The following MDGA2 variants were observed in gnomAD, a reference collection of about 807,000 sequenced individuals.
MDGA2 encodes the protein MAM domain containing glycosylphosphatidylinositol anchor 2.
Under a neutral mutation model 117.8 loss-of-function variants are expected in MDGA2, and 40 were observed. The observed-to-expected ratio is 0.34, with a 90% CI of 0.26 to 0.44. The LOEUF (loss-of-function observed/expected upper bound fraction) is 0.44, where lower values mean the gene tolerates loss of function less well. Ranked by LOEUF, MDGA2 falls within the 20% of genes least tolerant of loss-of-function variation. MDGA2 has a pLI of 1.00. For synonymous variants in MDGA2, 452 were observed against 439.0 expected, an observed-to-expected ratio of 1.03 and a Z score of -0.37; for missense variants, 1,123 against 1,250.6, an observed-to-expected ratio of 0.90 and a Z score of 1.54.
rs548167067 is a variant in MDGA2 at position 46,999,757 on chromosome 14, T to C, written c.1819+35254A>G. On this transcript the variant is annotated intron_variant, in intron 8 of 16. Coordinates refer to ENST00000399232, the MANE Select transcript of MDGA2 (RefSeq NM_001113498.3). The stretch of plus-strand genomic sequence containing the variant: ...CCCCCTTTTCTCTGGATTATCTTTG[T>C]GGGTATCAAACTTCATTCTGAAATT... 4.9e-4 allele frequency among the ~76,000 whole-genome samples: 75 copies of C among 152,214 alleles called. No homozygotes were observed. In the South Asian group the frequency reaches 5.4e-3, roughly 11 times the overall value.
At chr14:46,944,726 C>A (rs1344990686) in intron 9 of MDGA2, among the ~76,000 whole-genome samples, 3 of 151,674 alleles carry the variant, frequency 2.0e-5, no homozygotes, top group African/African-American at 7.3e-5. Context: ...ACTATTAAGC[C>A]CACCCATAGA....
intron 1 of MDGA2, among the ~76,000 whole-genome samples, chr14:47,561,158 G>GTTTGT (rs1895799966): frequency 1.8e-5 from 1 of 55,076 alleles, no homozygotes; most frequent in South Asian, 1.0e-3. Flanking sequence ...TTTTTGTTTT[G>GTTTGT]TTTTGTTTTT....
At chr14:47,602,798 A>T (rs1896671959) in intron 1 of MDGA2, among the ~76,000 whole-genome samples, 1 of 152,160 alleles carries the variant, frequency 6.6e-6, no homozygotes, top group African/African-American at 2.4e-5. Flanking sequence ...GGGCTCAAGG[A>T]CTGTGAAATA....
chr14:47,351,313 C>G (rs1328867897), intron 1 of MDGA2, among the ~76,000 whole-genome samples: 5 of 152,044 alleles, frequency 3.3e-5, no homozygotes, highest in Non-Finnish European at 5.9e-5. Context: ...GACTCCTGAC[C>G]TCAAGTGATC....
intron 2 of MDGA2, among the ~76,000 whole-genome samples, chr14:47,300,664 ATT>A (rs1416346036): frequency 1.6e-4 from 22 of 141,192 alleles, no homozygotes; most frequent in African/African-American, 2.3e-4. Context: ...TAATTTTTTA[ATT>A]TTTTTTTTTT....
At chr14:47,200,861 G>A in intron 3 of MDGA2, 2 of 848,276 alleles carry the variant, frequency 2.4e-6, no homozygotes, top group African/African-American at 1.7e-5. Flanking sequence ...ATAGGGCGGT[G>A]GGATGCCGTC....
intron 1 of MDGA2, among the ~76,000 whole-genome samples, chr14:47,466,607 T>C (rs933455793): frequency 2.6e-5 from 4 of 152,114 alleles, no homozygotes; most frequent in Non-Finnish European, 4.4e-5. Context: ...GATAACTTGA[T>C]GCCGCCTTTC....
At chr14:47,236,128 T>TA (rs1336439990) in intron 2 of MDGA2, among the ~76,000 whole-genome samples, 2 of 151,768 alleles carry the variant, frequency 1.3e-5, no homozygotes, top group African/African-American at 4.8e-5. Flanking sequence ...CCGTCTCTAC[T>TA]AAAAATACAA....
At chr14:46,844,866 T>C (rs774835747) in intron 16 of MDGA2, among the ~76,000 whole-genome samples, 27 of 150,992 alleles carry the variant, frequency 1.8e-4, no homozygotes, top group Admixed American at 4.6e-4. Flanking sequence ...CTAGATCTGA[T>C]GATTTTTATT....
At chr14:47,644,463 A>G (rs1897487818) in intron 1 of MDGA2, among the ~76,000 whole-genome samples, 1 of 152,204 alleles carries the variant, frequency 6.6e-6, no homozygotes, top group African/African-American at 2.4e-5. Context: ...AGACACAGAA[A>G]GACAAATACC....
intron 1 of MDGA2, among the ~76,000 whole-genome samples, chr14:47,409,982 G>T (rs1426037961): frequency 1.3e-5 from 2 of 152,098 alleles, no homozygotes; most frequent in African/African-American, 2.4e-5. Flanking sequence ...ACTGATTTCT[G>T]CTCCATAATA....
chr14:46,850,659 C>G (rs1881021794), intron 15 of MDGA2, among the ~76,000 whole-genome samples: 1 of 151,820 alleles, frequency 6.6e-6, no homozygotes, highest in Non-Finnish European at 1.5e-5. Flanking sequence ...CATTACAAAA[C>G]AAATTTGAAG....
intron 14 of MDGA2, among the ~76,000 whole-genome samples, chr14:46,860,649 C>T (rs955894081): frequency 6.6e-6 from 1 of 151,806 alleles, no homozygotes. Flanking sequence ...ATTTCCAAAC[C>T]ATATTGTTTT....
At chr14:47,253,638 T>G (rs1283154423) in intron 2 of MDGA2, among the ~76,000 whole-genome samples, 3 of 152,112 alleles carry the variant, frequency 2.0e-5, no homozygotes, top group Admixed American at 6.5e-5. Context: ...TGGTGTTGAG[T>G]GGCTGTGGCT....
At chr14:47,537,574 TAAAAAAAAAAAAAAAAAAAAAAAAAA>T (rs58060138) in intron 1 of MDGA2, among the ~76,000 whole-genome samples, 2 of 36,610 alleles carry the variant, frequency 5.5e-5, no homozygotes, top group South Asian at 1.4e-3. Context: ...TTCTCTCTGT[TAAAAAAAAAAAAAAAAAAAAAAAAAA>T]AAAAAAAAAA....
intron 2 of MDGA2, among the ~76,000 whole-genome samples, chr14:47,232,721 A>G (rs979895597): frequency 2.6e-5 from 4 of 152,158 alleles, no homozygotes; most frequent in Non-Finnish European, 5.9e-5. Context: ...TTCCAAAATG[A>G]TAAATCAACA....
At chr14:47,062,012 T>G (rs559666472) in intron 6 of MDGA2, among the ~76,000 whole-genome samples, 1 of 152,112 alleles carries the variant, frequency 6.6e-6, no homozygotes, top group Non-Finnish European at 1.5e-5. Flanking sequence ...TCCAAACAAC[T>G]CAAATATTAC....
chr14:46,982,738 C>CAAAAAAAAAAAAA (rs1566558888), intron 8 of MDGA2, among the ~76,000 whole-genome samples: 2 of 120,272 alleles, frequency 1.7e-5, no homozygotes, highest in African/African-American at 3.1e-5. Context: ...AAAAAAAAAT[C>CAAAAAAAAAAAAA]ATGTCATCTG....
At chr14:46,874,480 T>C (rs933709424) in intron 12 of MDGA2, among the ~76,000 whole-genome samples, 1 of 151,902 alleles carries the variant, frequency 6.6e-6, no homozygotes, top group Non-Finnish European at 1.5e-5. Context: ...TTAAAGAATA[T>C]AATTTATGCT....
Sources: gnomAD v4.1 joint callset for allele counts (sites outside exome capture counted in the v4.1 genomes callset) on GRCh38, gnomAD v4.1.1 for gene constraint, MANE v1.5 for transcripts, NCBI Gene and HGNC (gene_info 2026-07-23, HGNC 2026-07-21) for gene names.